POC5: variants seen among roughly 807,000 people sequenced by gnomAD.
The protein encoded by POC5 is centrosomal protein POC5.
In POC5, 48 loss-of-function variants were observed where a neutral mutation model predicts 62.9. That is an observed-to-expected ratio of 0.76 (90% confidence interval 0.61 to 0.97). The LOEUF is 0.97. POC5 is among the 50% of genes least tolerant of loss of function. The pLI is 0.00. For missense variants in POC5, 696 were observed against 679.5 expected (o/e 1.02, Z -0.27); for synonymous variants, 236 against 228.2 (o/e 1.03, Z -0.31).
At chr5:75,687,033 AAC>A (rs200430477) in intron 9 of POC5, among the ~76,000 whole-genome samples, 7,485 of 147,764 alleles carry the variant, frequency 0.051, 637 homozygotes, top group African/African-American at 0.17. Flanking sequence ...CATTATAAAA[AAC>A]AATTTTTTTT....
intron 5 of POC5, among the ~76,000 whole-genome samples, chr5:75,697,831 G>T (rs1168153834): frequency 3.9e-4 from 58 of 149,474 alleles, no homozygotes; most frequent in African/African-American, 1.4e-3. Flanking sequence ...CCATCTCACG[G>T]GCAGAGACAC....
intron 9 of POC5, among the ~76,000 whole-genome samples, chr5:75,686,408 G>A (rs191013819): frequency 6.6e-6 from 1 of 152,162 alleles, no homozygotes; most frequent in African/African-American, 2.4e-5. Flanking sequence ...CAGAAATTTG[G>A]GCCTCTGCAT....
At position 75,677,833 on chromosome 5, in the gene POC5, T is replaced by A. The variant is rs1236958682; in HGVS notation, c.1525A>T (p.Met509Leu). 6.2e-7 allele frequency: 1 copy of A among 1,612,782 alleles called. No individual in the cohort carries two copies. Among genetic ancestry groups the A allele is most frequent in the Non-Finnish European group, 8.5e-7 (1 of 1,179,374 alleles). ...KNRISSSLAI[M>L]GVSPPMSSVV... ...GAGCTCATGGGAGGAGAAACTCCCA[T>A]TATAGCTAAACTGCTGCTAATTCTA... Residue 509 changes from methionine (M) to leucine (L), a missense_variant, in exon 11 of 12, where the codon ATG (methionine) becomes TTG (leucine). Coordinates refer to ENST00000428202, the MANE Select transcript of POC5 (RefSeq NM_001099271.2).
intron 2 of POC5, among the ~76,000 whole-genome samples, chr5:75,710,340 G>A (rs916354986): frequency 2.0e-5 from 3 of 152,146 alleles, no homozygotes; most frequent in Non-Finnish European, 4.4e-5. Flanking sequence ...ATGGAGTTAC[G>A]GAGTCTGAAT....
chr5:75,681,357 T>C (rs1775861855), intron 10 of POC5, among the ~76,000 whole-genome samples: 1 of 152,140 alleles, frequency 6.6e-6, no homozygotes, highest in African/African-American at 2.4e-5. Context: ...GAAACTTTAC[T>C]AAAGGTCTTT....
intron 5 of POC5, among the ~76,000 whole-genome samples, chr5:75,697,622 C>T (rs550021740): frequency 2.6e-5 from 4 of 152,008 alleles, no homozygotes; most frequent in East Asian, 1.9e-4. Flanking sequence ...TAAAGACCAT[C>T]GAGACTAGGA....
chr5:75,676,845 A>T (rs914946778), intron 11 of POC5, among the ~76,000 whole-genome samples: 15 of 149,664 alleles, frequency 1.0e-4, no homozygotes, highest in South Asian at 2.1e-4. Context: ...AAATAAATAA[A>T]AAATAAATAA....
intron 3 of POC5, among the ~76,000 whole-genome samples, chr5:75,706,932 G>A (rs183599160): frequency 9.9e-5 from 15 of 152,270 alleles, no homozygotes; most frequent in South Asian, 2.1e-4. Context: ...AAAAATCCAC[G>A]TCTACAGAGA....
At chr5:75,692,233 AT>A (rs1776367760) in intron 7 of POC5, among the ~76,000 whole-genome samples, 162 bp downstream of exon 7, 2 of 152,156 alleles carry the variant, frequency 1.3e-5, no homozygotes, top group Admixed American at 1.3e-4. Flanking sequence ...TCTAAACTGT[AT>A]TTTTTCCAAA....
intron 10 of POC5, among the ~76,000 whole-genome samples, chr5:75,680,059 G>C (rs925678069): frequency 6.6e-6 from 1 of 152,096 alleles, no homozygotes; most frequent in African/African-American, 2.4e-5. Flanking sequence ...TGTTTTTGTG[G>C]ACTAAATTCA....
intron 8 of POC5, among the ~76,000 whole-genome samples, chr5:75,690,026 T>C (rs373236265): frequency 1.3e-5 from 2 of 152,064 alleles, no homozygotes; most frequent in African/African-American, 4.8e-5. Context: ...GCGGGTATTA[T>C]AGGCATGTGC....
chr5:75,709,126 G>C (rs1052095098), intron 2 of POC5, among the ~76,000 whole-genome samples: 1 of 152,120 alleles, frequency 6.6e-6, no homozygotes, highest in Non-Finnish European at 1.5e-5. Context: ...CACTGCACCC[G>C]GCCTGATTCA....
At chr5:75,708,528 AG>A (rs1328372057) in intron 2 of POC5, among the ~76,000 whole-genome samples, 1 of 152,232 alleles carries the variant, frequency 6.6e-6, no homozygotes, top group Non-Finnish European at 1.5e-5. Context: ...AACAAAATAT[AG>A]AAGCAAACTG....
chr5:75,689,279 C>T, intron 8 of POC5, 114 bp from the exon 9 acceptor site: 1 of 1,384,922 alleles, frequency 7.2e-7, no homozygotes, highest in Non-Finnish European at 9.3e-7. Flanking sequence ...AAAAGTTTGT[C>T]ACTTACCTCT....
chr5:75,712,562 GA>G (rs1445404824), intron 2 of POC5: 1 of 1,086,534 alleles, frequency 9.2e-7, no homozygotes, highest in South Asian at 1.4e-5. Context: ...TAGCTAAAAT[GA>G]AAAAAATTTA....
At chr5:75,681,657 T>C (rs1414497612) in intron 10 of POC5, among the ~76,000 whole-genome samples, 3 of 150,900 alleles carry the variant, frequency 2.0e-5, no homozygotes, top group Admixed American at 2.0e-4. Flanking sequence ...TAAAATAAGA[T>C]ATTATTTTAT....
chr5:75,690,232 T>C (rs1267592850), intron 8 of POC5, 151 bp downstream of exon 8: 3 of 790,448 alleles, frequency 3.8e-6, no homozygotes, highest in Non-Finnish European at 5.8e-6. Context: ...GAATATACAA[T>C]AAACATTAAA....
chr5:75,715,131 T>C (rs1777498593), intron 1 of POC5, among the ~76,000 whole-genome samples: 1 of 151,748 alleles, frequency 6.6e-6, no homozygotes, highest in Non-Finnish European at 1.5e-5. Context: ...GCTAACACGG[T>C]GAAACCCCGT....
At chr5:75,681,505 T>C (rs1775866292) in intron 10 of POC5, among the ~76,000 whole-genome samples, 1 of 151,922 alleles carries the variant, frequency 6.6e-6, no homozygotes, top group South Asian at 2.1e-4. Context: ...CCAGCCTTTT[T>C]TGAAAAATGG....
Sources: gnomAD v4.1 joint callset for allele counts (sites outside exome capture counted in the v4.1 genomes callset) on GRCh38, gnomAD v4.1.1 for gene constraint, MANE v1.5 for transcripts, NCBI Gene and HGNC (gene_info 2026-07-23, HGNC 2026-07-21) for gene names.